The following LAMB1 variants were observed in gnomAD, a reference collection of about 807,000 sequenced individuals.
The protein encoded by LAMB1 is laminin subunit beta 1.
Under a neutral mutation model 222.3 loss-of-function variants are expected in LAMB1, and 121 were observed. The ratio of observed to expected loss-of-function variants is 0.54; its 90% CI spans 0.47 to 0.63. The LOEUF (loss-of-function observed/expected upper bound fraction) is 0.63. Among genes scored for constraint, LAMB1 ranks in the 30% least tolerant of loss-of-function variants. LAMB1 has a pLI of 0.00. For missense variants in LAMB1, 2,172 were observed against 2,240.8 expected, an observed-to-expected ratio of 0.97 and a Z score of 0.62; for synonymous variants, 794 against 807.2, an observed-to-expected ratio of 0.98 and a Z score of 0.28.
At chr7:107,947,080 C>G (rs147831862) in intron 24 of LAMB1, among the ~76,000 whole-genome samples, 1 of 152,150 alleles carries the variant, frequency 6.6e-6, no homozygotes, top group East Asian at 1.9e-4. Context: ...CTGTTTTCTC[C>G]AGCACGTTCA....
chr7:107,981,109 C>T (rs371925566), intron 7 of LAMB1, among the ~76,000 whole-genome samples: 3 of 152,108 alleles, frequency 2.0e-5, no homozygotes, highest in Admixed American at 6.6e-5. Context: ...GTCAGGAGTT[C>T]GAGACCTGCC....
intron 5 of LAMB1, among the ~76,000 whole-genome samples, chr7:107,994,247 T>C (rs903504009): frequency 2.0e-5 from 3 of 152,224 alleles, no homozygotes; most frequent in African/African-American, 7.2e-5. Flanking sequence ...AGACATTCCC[T>C]AGTTCTGGAG....
At chr7:108,002,239 G>T (rs763223566) in intron 2 of LAMB1, 2 of 1,318,632 alleles carry the variant, frequency 1.5e-6, no homozygotes, top group Non-Finnish European at 2.0e-6. Flanking sequence ...ACGCGCGAGG[G>T]TCACCGGCGC....
intron 27 of LAMB1, 33 bp from the exon 28 acceptor site, chr7:107,932,410 C>A: frequency 6.2e-7 from 1 of 1,606,056 alleles, no homozygotes; most frequent in Non-Finnish European, 8.5e-7. Flanking sequence ...CACAATACTT[C>A]GGATAGTGAA....
In LAMB1 at chr7:107,964,580, T is replaced by C. The variant is rs377686897; in HGVS notation, c.1670A>G (p.Tyr557Cys). 5 of 1,614,052 alleles carry C rather than the reference T, an allele frequency of 3.1e-6. No homozygotes were observed. Among genetic ancestry groups the C allele is most frequent in the Admixed American group, 1.7e-5 (1 of 60,000 alleles). Residue 557 changes from tyrosine (Y) to cysteine (C), a missense_variant, in exon 14 of 34, where the codon TAT becomes TGT. Tyr to Cys is a radical substitution (Grantham distance 194, BLOSUM62 -2). Transcript: ENST00000222399. ...YYFATLDHYL[Y>C]EAEEANLGPG... ...CCCCAAGTTGGCTTCCTCCGCTTCA[T>C]AGAGGTAGTGATCCAGGGTGGCAAA... is the stretch of plus-strand genomic sequence containing the variant.
At chr7:107,975,473 A>G in intron 10 of LAMB1, 60 bp from the exon 11 acceptor site, 1 of 1,456,366 alleles carries the variant, frequency 6.9e-7, no homozygotes, top group African/African-American at 1.4e-5. Flanking sequence ...ATCTTTGTAT[A>G]AATACATATA....
chr7:107,959,520 C>G, intron 19 of LAMB1, 40 bp from the exon 20 acceptor site: 1 of 1,610,358 alleles, frequency 6.2e-7, no homozygotes, highest in Non-Finnish European at 8.5e-7. Flanking sequence ...TTGAGAAACT[C>G]ATTCAATGGA....
chr7:107,952,256 C>T (rs1181955495), intron 22 of LAMB1, 33 bp from the exon 23 acceptor site: 1 of 1,517,784 alleles, frequency 6.6e-7, no homozygotes. Context: ...CTTATTGTCA[C>T]ACTCCCAAAT....
At chr7:107,939,798 C>A (rs555119526) in intron 25 of LAMB1, among the ~76,000 whole-genome samples, 191 bp downstream of exon 25, 2 of 152,320 alleles carry the variant, frequency 1.3e-5, no homozygotes, top group East Asian at 3.9e-4. Flanking sequence ...CTGGTCCCCA[C>A]TGATGTGCCA....
intron 14 of LAMB1, among the ~76,000 whole-genome samples, chr7:107,963,620 G>A (rs1243792879): frequency 1.3e-5 from 2 of 152,220 alleles, no homozygotes; most frequent in East Asian, 1.9e-4. Flanking sequence ...TTCATTCCCT[G>A]TATGTATCTG....
intron 5 of LAMB1, among the ~76,000 whole-genome samples, chr7:107,991,644 C>T (rs1048335524): frequency 1.3e-5 from 2 of 151,574 alleles, no homozygotes; most frequent in African/African-American, 4.8e-5. Flanking sequence ...GGCGCGGTAG[C>T]TCACGTCTGT....
At chr7:107,930,860 G>A (rs2032691622) in intron 29 of LAMB1, among the ~76,000 whole-genome samples, 1 of 152,144 alleles carries the variant, frequency 6.6e-6, no homozygotes, top group African/African-American at 2.4e-5. Context: ...ATTAAGATGT[G>A]AGATAATAAA....
rs1256593171 is a variant in LAMB1, at chr7:107,929,400, G to A, written c.4745+12C>T. On this transcript the variant is annotated intron_variant, in intron 30 of 33. Transcript: ENST00000222399. ...ACAAAATAAGCCCCTTAGATGCCAT[G>A]TCTTTAGATACCTTGCTCTTTTAGC... The A allele has an allele frequency of 6.2e-7, 1 of 1,609,226 alleles. No homozygotes were observed. Among genetic ancestry groups the A allele is most frequent in the Non-Finnish European group, 8.5e-7 (1 of 1,175,884 alleles).
intron 7 of LAMB1, among the ~76,000 whole-genome samples, chr7:107,981,174 C>G (rs1450986814): frequency 6.6e-6 from 1 of 151,944 alleles, no homozygotes; most frequent in Non-Finnish European, 1.5e-5. Flanking sequence ...AGACCGGGCG[C>G]GGTGGCTCAC....
chr7:107,961,606 C>G lies in LAMB1; in HGVS notation c.1928G>C (p.Cys643Ser). 1 of 1,614,140 alleles carries G rather than the reference C, an allele frequency of 6.2e-7. No individual in the cohort carries two copies. Among genetic ancestry groups the G allele is most frequent in the Admixed American group, 1.7e-5 (1 of 60,024 alleles). Residue 643 changes from cysteine to serine, a missense_variant, in exon 16 of 34, where the codon TGT becomes TCT. Physicochemically the swap from Cys to Ser is moderately radical, Grantham distance 112. Coordinates refer to ENST00000222399, the MANE Select transcript of LAMB1 (RefSeq NM_002291.3). ...RPGRIPTSSR[C>S]GNTIPDDDNQ... ...GTCATCATCGGGGATGGTATTACCA[C>G]ATCGGCTGCTGGTTGGAATCCTTCC...
At chr7:107,954,050 T>C (rs762700467) in intron 21 of LAMB1, among the ~76,000 whole-genome samples, 3 of 152,150 alleles carry the variant, frequency 2.0e-5, no homozygotes, top group Non-Finnish European at 4.4e-5. Flanking sequence ...TGTGGACAGT[T>C]AGGTCCTAGC....
chr7:107,980,687 A>G lies in LAMB1; in HGVS notation c.801T>C (p.Val267=), dbSNP rs1397539714. 6.2e-7 allele frequency: 1 copy of G among 1,614,000 alleles called. No individual in the cohort carries two copies. Among genetic ancestry groups the G allele is most frequent in the Non-Finnish European group, 8.5e-7 (1 of 1,179,978 alleles). The change falls in exon 8 of 34, where the codon GTT becomes GTC. Residue 267 remains valine, a synonymous_variant. Transcript: ENST00000222399. ...KYYYAVYDMV[V]RGNCFCYGHA... is the part of the protein sequence containing the mutation. ...GACCATAGCAGAAGCAATTTCCTCG[A>G]ACCACCATATCATAAACTGCATAAT...
intron 5 of LAMB1, among the ~76,000 whole-genome samples, chr7:107,994,185 G>T (rs894971166): frequency 6.6e-6 from 1 of 152,176 alleles, no homozygotes; most frequent in East Asian, 1.9e-4. Flanking sequence ...GCCATGTGAA[G>T]CCTGTCATTT....
chr7:107,944,654 C>CA lies in LAMB1; in HGVS notation c.3392-4297dup, dbSNP rs1231423036. ...TTTCCAGAATTGCTTCTCTTGGAGT[C>CA]ACCTAAGAGGCAGGCACCAGAAGGC... On this transcript the variant is annotated intron_variant, in intron 24 of 33. Coordinates refer to ENST00000222399, the MANE Select transcript of LAMB1 (RefSeq NM_002291.3). Among the ~76,000 whole-genome samples the CA allele has an allele frequency of 2.0e-5, 3 of 152,136 alleles. 1 individual carries two copies. Among genetic ancestry groups the CA allele is most frequent in the Admixed American group, 1.3e-4 (2 of 15,264 alleles).
Sources: gnomAD v4.1 joint callset for allele counts (sites outside exome capture counted in the v4.1 genomes callset) on GRCh38, gnomAD v4.1.1 for gene constraint, MANE v1.5 for transcripts, NCBI Gene and HGNC (gene_info 2026-07-23, HGNC 2026-07-21) for gene names.